Variants in AAK1 observed in about 807,000 individuals in gnomAD.
AAK1 encodes the protein AP2 associated kinase 1.
AAK1 carries 37 observed loss-of-function variants against 116.0 expected under a neutral mutation model. The observed-to-expected ratio is 0.32, with a 90% CI of 0.25 to 0.42. AAK1 has a LOEUF of 0.42. AAK1 is among the 10% of genes least tolerant of loss of function. The pLI is 1.00. For synonymous variants in AAK1, 458 were observed against 439.9 expected (o/e 1.04, Z -0.51); for missense variants, 919 against 1,170.6 (o/e 0.79, Z 3.14).
chr2:69,610,022 GC>G (rs1674002706), intron 2 of AAK1, among the ~76,000 whole-genome samples: 2 of 139,654 alleles, frequency 1.4e-5, no homozygotes, highest in African/African-American at 5.5e-5. Context: ...CTGCACTCCA[GC>G]CTGGGCGACA....
chr2:69,552,774 A>C (rs1225936443), intron 3 of AAK1, among the ~76,000 whole-genome samples: 1 of 152,172 alleles, frequency 6.6e-6, no homozygotes, highest in Non-Finnish European at 1.5e-5. Flanking sequence ...TATAAAACTT[A>C]AAAGAAAATC....
rs537175307 is a variant in AAK1 at position 69,639,540 on chromosome 2, C to A, written c.163+3338G>T. 2.3e-4 allele frequency among the ~76,000 whole-genome samples: 35 copies of A among 152,292 alleles called. 1 individual carries two copies. The South Asian group carries it at 6.8e-3, about 30-fold the overall frequency. Reference sequence around the variant, plus strand: ...CCCCTGCTGGACTAGTTAGTGAAACCAGGCCAGGAAGGCTGATGCTACCAG... The same window carrying A: ...CCCCTGCTGGACTAGTTAGTGAAACAAGGCCAGGAAGGCTGATGCTACCAG... On this transcript the variant is annotated intron_variant, in intron 2 of 21. Transcript: ENST00000409085.
Position 69,593,193 on chromosome 2 carries a change from T to C in AAK1, c.164-36215A>G, listed in dbSNP as rs1012508935. Among the ~76,000 whole-genome samples, 11 of 152,198 alleles carry C rather than the reference T, an allele frequency of 7.2e-5. 1 individual carries two copies. The highest frequency in any genetic ancestry group is 3.9e-4 in the Admixed American group (6 of 15,300). ...ATTATTTTGGGACTCTGATGAAATG[T>C]AGAAGTATATATATTTAAAGATGCT... On this transcript the variant is annotated intron_variant, in intron 2 of 21. Coordinates refer to ENST00000409085, the MANE Select transcript of AAK1 (RefSeq NM_014911.5).
At chr2:69,508,032 C>T (rs1676256577) in intron 14 of AAK1, among the ~76,000 whole-genome samples, 1 of 152,154 alleles carries the variant, frequency 6.6e-6, no homozygotes, top group Non-Finnish European at 1.5e-5. Flanking sequence ...AAAGGGCTTT[C>T]CACAGCACCT....
chr2:69,482,808 T>C lies in AAK1; in HGVS notation c.2370A>G (p.Lys790=). 1 of 1,606,658 alleles carries C rather than the reference T, an allele frequency of 6.2e-7. No individual in the cohort carries two copies. ...CAGGAGATTTGAGTCCCTCAATTAG[T>C]TTTTCTACGTTGGGCAGAGAGACAA... ...IPLQVPDAPE[K]LIEGLKSPDT... is the part of the protein sequence containing the mutation. Residue 790 remains lysine, a synonymous_variant, in exon 18 of 22, where the codon AAA becomes AAG. Coordinates refer to ENST00000409085, the MANE Select transcript of AAK1 (RefSeq NM_014911.5).
chr2:69,582,902 G>C (rs1340180606), intron 2 of AAK1, among the ~76,000 whole-genome samples: 1 of 152,190 alleles, frequency 6.6e-6, no homozygotes, highest in Non-Finnish European at 1.5e-5. Context: ...ACACCAGTGA[G>C]AGCCCCATAT....
At chr2:69,562,659 A>G (rs1671691693) in intron 2 of AAK1, among the ~76,000 whole-genome samples, 1 of 152,192 alleles carries the variant, frequency 6.6e-6, no homozygotes. Context: ...TGGGAGGTCG[A>G]GGCGGGCAGA....
intron 16 of AAK1, among the ~76,000 whole-genome samples, chr2:69,496,362 T>TC (rs71840259): frequency 0.31 from 45,900 of 149,420 alleles, 9,681 homozygotes; most frequent in African/African-American, 0.6. Context: ...AACCTCCGCC[T>TC]CCCGGTTCAA....
Position 69,458,482 on chromosome 2 carries a change from C to T in AAK1, c.*17387G>A, listed in dbSNP as rs766524955. The T allele has an allele frequency of 2.0e-5, 3 of 152,624 alleles. No homozygotes were observed. Among genetic ancestry groups the T allele is most frequent in the Non-Finnish European group, 4.4e-5 (3 of 68,048 alleles). 9.5% of individuals were successfully genotyped at this position (152,624 alleles called of 1,614,324 possible). On this transcript the variant is annotated 3_prime_UTR_variant, in exon 22 of 22. Transcript: ENST00000409085. ...AGGGTGAGCCCTACAGAGTTTCATC[C>T]TTGTGGATAAGAAGATGTGTACTTG...
chr2:69,465,829 T>C lies in AAK1; in HGVS notation c.*10040A>G. 1 of 1,290,774 alleles carries C rather than the reference T, an allele frequency of 7.7e-7. No individual in the cohort carries two copies. Among genetic ancestry groups the C allele is most frequent in the Non-Finnish European group, 1.0e-6 (1 of 988,862 alleles). 80.0% of individuals were successfully genotyped at this position (1,290,774 alleles called of 1,614,324 possible). On this transcript the variant is annotated 3_prime_UTR_variant, in exon 22 of 22. Transcript: ENST00000409085. ...TTAGACTGTTGCACAAAACCAGCTG[T>C]GGAATACTGAGCTTGGACAGAGGTG...
chr2:69,631,098 C>A (rs1456564707), intron 2 of AAK1, among the ~76,000 whole-genome samples: 1 of 152,226 alleles, frequency 6.6e-6, no homozygotes, highest in East Asian at 1.9e-4. Flanking sequence ...GACCTGCCAT[C>A]TCAGTAAATG....
At chr2:69,615,391 C>A (rs931479712) in intron 2 of AAK1, among the ~76,000 whole-genome samples, 22 of 152,142 alleles carry the variant, frequency 1.4e-4, no homozygotes, top group African/African-American at 5.1e-4. Context: ...TACCATTTAA[C>A]CAAATGGAAA....
chr2:69,511,445 G>A (rs1676392132), intron 13 of AAK1, among the ~76,000 whole-genome samples: 1 of 152,240 alleles, frequency 6.6e-6, no homozygotes, highest in South Asian at 2.1e-4. Context: ...CCCTGCTGAA[G>A]GAGAGGCAGA....
At chr2:69,477,031 G>A (rs1047754952) in intron 20 of AAK1, 41 bp from the exon 21 acceptor site, 5 of 1,341,814 alleles carry the variant, frequency 3.7e-6, no homozygotes, top group Non-Finnish European at 5.3e-6. Flanking sequence ...AACAACAGAG[G>A]CAGAGATTAG....
At position 69,514,742 on chromosome 2, in the gene AAK1, G is replaced by A. The variant is rs781151558; in HGVS notation, c.1505C>T (p.Ala502Val). 1 of 1,586,856 alleles carries A rather than the reference G, an allele frequency of 6.3e-7. No individual in the cohort carries two copies. The highest frequency in any genetic ancestry group is 8.6e-7 in the Non-Finnish European group (1 of 1,164,462). The change falls in exon 13 of 22, where the codon GCA (alanine) becomes GTA (valine). Residue 502 changes from alanine to valine, a missense_variant. Ala to Val is a moderately conservative substitution (Grantham distance 64, BLOSUM62 0). Around this residue, in one of 4 missense-constraint regions of AAK1, gnomAD observed 214 missense variants for 210.6 expected, o/e 1.02. Coordinates refer to ENST00000409085, the MANE Select transcript of AAK1 (RefSeq NM_014911.5). The stretch of plus-strand genomic sequence containing the variant: ...TGGTTTCTGGGTTGCTGGATGTACT[G>A]CCTGAAACTGAGCAAGAAATGAGGA... ...QQQAQTQQFQ[A>V]VHPATQKPAI...
At chr2:69,499,927 TA>T (rs944406886) in intron 16 of AAK1, 1 of 152,220 alleles carries the variant, frequency 6.6e-6, no homozygotes, top group African/African-American at 2.4e-5. Flanking sequence ...CACATTTTTA[TA>T]AATGAACATG....
chr2:69,493,291 C>T (rs1294556933), intron 17 of AAK1, among the ~76,000 whole-genome samples: 3 of 151,764 alleles, frequency 2.0e-5, no homozygotes, highest in African/African-American at 7.2e-5. Flanking sequence ...TAGCACAATT[C>T]TGCAGGACAC....
chr2:69,542,399 T>C (rs1334732227), intron 5 of AAK1, 124 bp downstream of exon 5: 6 of 1,215,250 alleles, frequency 4.9e-6, no homozygotes, highest in Non-Finnish European at 6.9e-6. Context: ...TCAGGCAGAA[T>C]ATAAACATAA....
intron 17 of AAK1, among the ~76,000 whole-genome samples, chr2:69,485,722 C>T (rs1675271755): frequency 2.1e-5 from 2 of 97,320 alleles, no homozygotes; most frequent in African/African-American, 9.1e-5. Context: ...TGCAATGGCA[C>T]AATTTCGGCT....
Sources: allele counts gnomAD v4.1 joint callset (sites outside exome capture counted in the v4.1 genomes callset), GRCh38; gene constraint gnomAD v4.1.1; regional missense constraint gnomAD v4.1.1; transcripts MANE v1.5; gene names NCBI Gene and HGNC (gene_info 2026-07-23, HGNC 2026-07-21).